Variants in SLC66A2 observed in about 807,000 individuals in gnomAD.
SLC66A2 encodes solute carrier family 66 member 2.
In SLC66A2, 23 loss-of-function variants were observed where a neutral mutation model predicts 25.5. The ratio of observed to expected loss-of-function variants is 0.90; its 90% confidence interval spans 0.65 to 1.28. The LOEUF is 1.28. SLC66A2 is among the 50% of genes most tolerant of loss of function. The probability of loss-of-function intolerance (pLI) is 0.00; values close to 1 mark genes in which losing one functional copy is unlikely to be tolerated. For synonymous variants in SLC66A2, 193 were observed against 166.5 expected, an observed-to-expected ratio of 1.16 and a Z score of -1.23; for missense variants, 396 against 373.1, an observed-to-expected ratio of 1.06 and a Z score of -0.51.
chr18:79,904,273 G>A lies in SLC66A2; in HGVS notation c.609-90C>T, dbSNP rs1010956922. The A allele has an allele frequency of 8.2e-7, 1 of 1,226,634 alleles. No homozygotes were observed. 76.0% of individuals were successfully genotyped at this position (1,226,634 alleles called of 1,614,324 possible). A position where few individuals can be genotyped will look rare whatever the true frequency, so the allele number is the denominator to read the frequency against. ...AGGCCTGGGGCTTAGACAGCGGGGA[G>A]ACCTGGGGCTCAGGGGCACCCAGGG... On this transcript the variant is annotated intron_variant, in intron 5 of 5. Transcript: ENST00000397778. The surrounding 1 kb of genome is among the most constrained non-coding windows in gnomAD (Gnocchi z 6.3).
intron 5 of SLC66A2, among the ~76,000 whole-genome samples, chr18:79,905,933 CTT>C (rs1435152417): frequency 2.0e-5 from 3 of 152,232 alleles, no homozygotes; most frequent in Admixed American, 6.5e-5. Context: ...CCTTTTCAGA[CTT>C]TAGATTATGC....
At chr18:79,945,960 G>C (rs892929101) in intron 2 of SLC66A2, among the ~76,000 whole-genome samples, 2 of 152,214 alleles carry the variant, frequency 1.3e-5, no homozygotes, top group Non-Finnish European at 2.9e-5. Context: ...GACACACGGA[G>C]GCCACTTCAC....
intron 4 of SLC66A2, among the ~76,000 whole-genome samples, chr18:79,929,219 C>T (rs1986310710): frequency 6.6e-6 from 1 of 152,150 alleles, no homozygotes; most frequent in African/African-American, 2.4e-5. Flanking sequence ...AAACACTGGC[C>T]CCAATGGCCA....
intron 2 of SLC66A2, among the ~76,000 whole-genome samples, chr18:79,947,653 C>CCCG (rs2050976555): frequency 1.5e-4 from 2 of 13,726 alleles, no homozygotes; most frequent in Non-Finnish European, 6.3e-4. Context: ...CTCTGCTCTC[C>CCCG]TGCTCCCACC....
intron 2 of SLC66A2, among the ~76,000 whole-genome samples, chr18:79,947,659 C>CCGCCCCTTCT: frequency 6.7e-6 from 1 of 148,800 alleles, no homozygotes; most frequent in East Asian, 2.0e-4. Flanking sequence ...TCTCCTGCTC[C>CCGCCCCTTCT]CACCACCCCC....
chr18:79,938,515 G>A (rs1157903467), intron 3 of SLC66A2, among the ~76,000 whole-genome samples: 2 of 152,190 alleles, frequency 1.3e-5, no homozygotes, highest in Admixed American at 1.3e-4. Flanking sequence ...AAACATCTCA[G>A]TGGAATGAGG....
chr18:79,950,922 T>G lies in SLC66A2; in HGVS notation c.5A>C (p.Glu2Ala), dbSNP rs373545819. 45 of 1,555,822 alleles carry G rather than the reference T, an allele frequency of 2.9e-5. No homozygotes were observed. In the African/African-American group the frequency reaches 4.2e-4, roughly 15 times the overall value. The change falls in exon 2 of 6, where the codon GAG becomes GCG. Residue 2 changes from glutamate to alanine, a missense_variant. Transcript: ENST00000397778. Reference protein sequence around the residue: MEAEGLDWLLVP... With the variant: MAAEGLDWLLVP... ...CAGGAGCCAGTCCAGGCCCTCGGCC[T>G]CCATCGCAGCGCCCGCCTGGCCGAG...
chr18:79,904,216 G>A lies in SLC66A2; in HGVS notation c.609-33C>T. The A allele has an allele frequency of 6.3e-7, 1 of 1,596,202 alleles. No homozygotes were observed. The highest frequency in any genetic ancestry group is 8.6e-7 in the Non-Finnish European group (1 of 1,165,632). On this transcript the variant is annotated intron_variant, in intron 5 of 5. Transcript: ENST00000397778. The surrounding 1 kb of genome is among the most constrained non-coding windows in gnomAD (Gnocchi z 6.3). Reference sequence around the variant, plus strand: ...GACACAAGCAGGCGGTCAGCGGTGGGGAGGGCGGCGACCTGGGCTCAGTCA... The same window carrying A: ...GACACAAGCAGGCGGTCAGCGGTGGAGAGGGCGGCGACCTGGGCTCAGTCA...
At chr18:79,922,006 G>T (rs1286553666) in intron 4 of SLC66A2, among the ~76,000 whole-genome samples, 1 of 152,046 alleles carries the variant, frequency 6.6e-6, no homozygotes, top group South Asian at 2.1e-4. Flanking sequence ...GAGGAGGAGA[G>T]ACGGGAACTT....
At chr18:79,905,772 G>C (rs557833352) in intron 5 of SLC66A2, among the ~76,000 whole-genome samples, 18 of 152,328 alleles carry the variant, frequency 1.2e-4, no homozygotes, top group Non-Finnish European at 1.9e-4. Flanking sequence ...TCAGGGACAG[G>C]CTACTTCCCA....
intron 5 of SLC66A2, among the ~76,000 whole-genome samples, chr18:79,910,934 A>T (rs1356700410): frequency 6.6e-6 from 1 of 152,240 alleles, no homozygotes; most frequent in Admixed American, 6.5e-5. Context: ...TTTAGCTCCC[A>T]CTGTAAAATC....
intron 2 of SLC66A2, among the ~76,000 whole-genome samples, chr18:79,946,987 A>T (rs957156511): frequency 2.0e-5 from 3 of 152,140 alleles, no homozygotes; most frequent in African/African-American, 7.2e-5. Context: ...ATCCAGCAGA[A>T]GAGAAGCTTT....
At chr18:79,906,283 C>T (rs1433864836) in intron 5 of SLC66A2, among the ~76,000 whole-genome samples, 1 of 152,102 alleles carries the variant, frequency 6.6e-6, no homozygotes, top group Non-Finnish European at 1.5e-5. Flanking sequence ...CTTCTGCTGG[C>T]TTGGGGTTCC....
rs559884973 is a variant in SLC66A2 at position 79,916,302 on chromosome 18, C to G, written c.608+2882G>C. ...GTGGTGCTCCCGTACCCGTGGTGCT[C>G]CCGTACCCGTGGTGCTCCCGTACCC... On this transcript the variant is annotated intron_variant, in intron 5 of 5. Transcript: ENST00000397778. Among the ~76,000 whole-genome samples the G allele has an allele frequency of 1.4e-3, 204 of 150,334 alleles. 3 individuals are homozygous for G. Among genetic ancestry groups the G allele is most frequent in the African/African-American group, 4.9e-3 (201 of 40,990 alleles).
At position 79,927,052 on chromosome 18, in the gene SLC66A2, T is replaced by A. The variant is rs1986039407; in HGVS notation, c.391+6917A>T. On this transcript the variant is annotated intron_variant, in intron 4 of 5. Coordinates refer to ENST00000397778, the MANE Select transcript of SLC66A2 (RefSeq NM_025078.5). This position sits in a 1 kb window ranked among gnomAD's most constrained non-coding sequence, Gnocchi z 6.2. ...ACAAAAAAACGAAAAAACTTCTCACTTCCTTCAAATCCCTGGTCCAGGCTC... is the reference window on the plus strand; with the variant it reads ...ACAAAAAAACGAAAAAACTTCTCACATCCTTCAAATCCCTGGTCCAGGCTC... Among the ~76,000 whole-genome samples, 1 of 152,240 alleles carries A rather than the reference T, an allele frequency of 6.6e-6. No homozygotes were observed. The highest frequency in any genetic ancestry group is 1.5e-5 in the Non-Finnish European group (1 of 68,042).
At chr18:79,948,997 G>A (rs1017899860) in intron 2 of SLC66A2, among the ~76,000 whole-genome samples, 8 of 152,172 alleles carry the variant, frequency 5.3e-5, no homozygotes, top group Non-Finnish European at 1.0e-4. Flanking sequence ...AAGAAAGAAG[G>A]AGTCTCCAAA....
intron 4 of SLC66A2, among the ~76,000 whole-genome samples, chr18:79,931,261 A>G (rs1279648056): frequency 6.6e-6 from 1 of 152,232 alleles, no homozygotes; most frequent in Non-Finnish European, 1.5e-5. Flanking sequence ...ATCAAATCAA[A>G]GGGCAGAATT....
At position 79,903,695 on chromosome 18, in the gene SLC66A2, A is replaced by G. The variant is rs1372783959; in HGVS notation, c.*281T>C. ...CCTTGGGCTCAGACGGTGTTTCATA[A>G]GAGGAAATGGGGAAAACACTTGCTT... On this transcript the variant is annotated 3_prime_UTR_variant, in exon 6 of 6. Transcript: ENST00000397778. 4 of 471,946 alleles carry G rather than the reference A, an allele frequency of 8.5e-6. No individual in the cohort carries two copies. Among genetic ancestry groups the G allele is most frequent in the East Asian group, 3.9e-5 (1 of 25,486 alleles). The allele number at this position is 471,946 out of a possible 1,614,324, so 29.2% of individuals were successfully genotyped here. A position where few individuals can be genotyped will look rare whatever the true frequency, so the allele number is the denominator to read the frequency against.
At chr18:79,946,757 G>C (rs888400773) in intron 2 of SLC66A2, among the ~76,000 whole-genome samples, 16 of 152,214 alleles carry the variant, frequency 1.1e-4, no homozygotes, top group Non-Finnish European at 2.4e-4. Context: ...CACGAGGTCA[G>C]GAGTTCAAGA....
Sources: allele counts gnomAD v4.1 joint callset (sites outside exome capture counted in the v4.1 genomes callset), GRCh38; gene constraint gnomAD v4.1.1; non-coding constraint Gnocchi (gnomAD v3.1); transcripts MANE v1.5; gene names NCBI Gene and HGNC (gene_info 2026-07-23, HGNC 2026-07-21).